KANSL2: variants seen among roughly 807,000 people sequenced by gnomAD.
KANSL2 encodes KAT8 regulatory NSL complex subunit 2, also known as NSL complex protein NSL2.
KANSL2 carries 34 observed loss-of-function variants against 55.6 expected under a neutral mutation model. The ratio of observed to expected loss-of-function variants is 0.61; its 90% CI spans 0.46 to 0.81. KANSL2 has a LOEUF of 0.81. KANSL2 is among the 40% of genes least tolerant of loss of function. KANSL2 has a pLI of 0.00. For missense variants in KANSL2, 502 were observed against 609.9 expected (o/e 0.82, Z 1.86); for synonymous variants, 209 against 214.3 (o/e 0.98, Z 0.22).
intron 4 of KANSL2, among the ~76,000 whole-genome samples, chr12:48,674,226 C>T (rs1226089976): frequency 2.0e-5 from 3 of 152,178 alleles, no homozygotes; most frequent in Non-Finnish European, 2.9e-5. Context: ...CTGCAACCTC[C>T]GCCTCCCGGG....
intron 6 of KANSL2, among the ~76,000 whole-genome samples, chr12:48,668,763 C>T (rs576429079): frequency 3.9e-5 from 6 of 152,254 alleles, no homozygotes; most frequent in African/African-American, 1.4e-4. Flanking sequence ...TGAACATGAA[C>T]AGGCACGGTG....
At chr12:48,681,222 C>T in intron 2 of KANSL2, 160 bp downstream of exon 2, 1 of 692,456 alleles carries the variant, frequency 1.4e-6, no homozygotes, top group Non-Finnish European at 2.3e-6. Context: ...ACTCAAGGGT[C>T]TTTCCAGTCT....
intron 8 of KANSL2, chr12:48,656,715 G>T (rs1220486034): frequency 1.9e-6 from 1 of 518,418 alleles, no homozygotes; most frequent in Non-Finnish European, 3.8e-6. Flanking sequence ...CCACAAGGAA[G>T]ACATCACTCT....
In KANSL2 at chr12:48,666,823, T is replaced by C. The variant is rs569132972; in HGVS notation, c.973+870A>G. Among the ~76,000 whole-genome samples the C allele has an allele frequency of 3.9e-5, 6 of 151,924 alleles. No individual in the cohort carries two copies. In the South Asian group the frequency reaches 1.3e-3, roughly 32 times the overall value. The stretch of plus-strand genomic sequence containing the variant: ...CCCAGGAGTTAAGGCTGCAGTGAGC[T>C]ATGACTGAGCCACTGCACTCCAGCC... On this transcript the variant is annotated intron_variant, in intron 7 of 9. Coordinates refer to ENST00000420613, the MANE Select transcript of KANSL2 (RefSeq NM_017822.4).
chr12:48,672,472 G>A (rs1162577355), intron 4 of KANSL2, among the ~76,000 whole-genome samples: 1 of 140,688 alleles, frequency 7.1e-6, no homozygotes, highest in African/African-American at 2.7e-5. Context: ...TGTCACCCAG[G>A]ATGGAGTGCA....
chr12:48,657,884 TGGGATTA>T (rs1939417511), intron 8 of KANSL2, among the ~76,000 whole-genome samples: 2 of 152,240 alleles, frequency 1.3e-5, no homozygotes, highest in South Asian at 4.2e-4. Context: ...CCCAAAGTGC[TGGGATTA>T]CAAGCGTCAG....
chr12:48,666,220 AAAAAAAG>A (rs1939595995), intron 7 of KANSL2, among the ~76,000 whole-genome samples: 2 of 152,050 alleles, frequency 1.3e-5, no homozygotes, highest in African/African-American at 4.8e-5. Context: ...CAAAAAAATT[AAAAAAAG>A]AAAACTTTTT....
intron 2 of KANSL2, 117 bp from the exon 3 acceptor site, chr12:48,679,950 TC>T: frequency 1.1e-6 from 1 of 917,278 alleles, no homozygotes; most frequent in Non-Finnish European, 1.6e-6. Context: ...TACATTCATT[TC>T]TAAAAATGCA....
chr12:48,673,360 G>GACCAGCCT (rs1256680943), intron 4 of KANSL2, among the ~76,000 whole-genome samples: 2 of 151,960 alleles, frequency 1.3e-5, no homozygotes, highest in Non-Finnish European at 2.9e-5. Context: ...AGGTGTTCAA[G>GACCAGCCT]ACCAGCCTGG....
chr12:48,679,852 A>G lies in KANSL2; in HGVS notation c.252-19T>C, dbSNP rs781656611. On this transcript the variant is annotated intron_variant, in intron 2 of 9. Coordinates refer to ENST00000420613, the MANE Select transcript of KANSL2 (RefSeq NM_017822.4). ...GGACACCCTGAAGAGACAAAACATT[A>G]ATATTTTATAAGTTCCTTCTTGAAA... The G allele has an allele frequency of 6.4e-7, 1 of 1,555,332 alleles. No individual in the cohort carries two copies. Among genetic ancestry groups the G allele is most frequent in the Non-Finnish European group, 8.7e-7 (1 of 1,148,812 alleles).
At chr12:48,661,192 TG>T in intron 7 of KANSL2, 1 of 929,818 alleles carries the variant, frequency 1.1e-6, no homozygotes, top group Non-Finnish European at 1.3e-6. Flanking sequence ...TAAATATACA[TG>T]CCTTTTTTTT....
chr12:48,678,597 AAAC>A (rs1487807376), intron 4 of KANSL2, among the ~76,000 whole-genome samples: 1 of 152,224 alleles, frequency 6.6e-6, no homozygotes, highest in Non-Finnish European at 1.5e-5. Context: ...TGTCAATTTA[AAAC>A]AATATATAAC....
rs1330210374 is a variant in KANSL2 at position 48,671,863 on chromosome 12, C to T, written c.645G>A (p.Gln215=). ...SLYIDQFKRL[Q]HLLKEKKRRY... is the part of the protein sequence containing the mutation. ...GGCGCTTCTTCTCCTTGAGCAGATGCTGAAGTCGTTTAAACTGATCAATAT... is the reference window on the plus strand; with the variant it reads ...GGCGCTTCTTCTCCTTGAGCAGATGTTGAAGTCGTTTAAACTGATCAATAT... The change falls in exon 5 of 10, where the codon CAG becomes CAA. Residue 215 remains glutamine (Q), a synonymous_variant. Transcript: ENST00000420613. 6.2e-7 allele frequency: 1 copy of T among 1,613,608 alleles called. No individual in the cohort carries two copies. Among genetic ancestry groups the T allele is most frequent in the South Asian group, 1.1e-5 (1 of 91,018 alleles).
intron 7 of KANSL2, among the ~76,000 whole-genome samples, chr12:48,663,199 AT>A (rs2137182553): frequency 6.6e-6 from 1 of 152,300 alleles, no homozygotes; most frequent in African/African-American, 2.4e-5. Context: ...TCTGCATTTG[AT>A]TATCTCCTTA....
At chr12:48,672,384 TA>T (rs1939732128) in intron 4 of KANSL2, among the ~76,000 whole-genome samples, 4 of 142,580 alleles carry the variant, frequency 2.8e-5, no homozygotes, top group Non-Finnish European at 1.5e-5. Flanking sequence ...TACGTATATA[TA>T]TATACATGTA....
At position 48,653,758 on chromosome 12, in the gene KANSL2, G is replaced by T; in HGVS notation, c.*286C>A. 1 of 279,366 alleles carries T rather than the reference G, an allele frequency of 3.6e-6. No homozygotes were observed. Among genetic ancestry groups the T allele is most frequent in the Non-Finnish European group, 6.6e-6 (1 of 151,440 alleles). The allele number at this position is 279,366 out of a possible 1,614,324, so 17.3% of individuals were successfully genotyped here. On this transcript the variant is annotated 3_prime_UTR_variant, in exon 10 of 10. Transcript: ENST00000420613. Reference sequence around the variant, plus strand: ...GCTACTTAAGTGGATTTCTATCCATGACTTGGGAAATCCCATTACAAAGAT... The same window carrying T: ...GCTACTTAAGTGGATTTCTATCCATTACTTGGGAAATCCCATTACAAAGAT...
intron 7 of KANSL2, among the ~76,000 whole-genome samples, chr12:48,666,768 T>C (rs1378390992): frequency 6.6e-6 from 1 of 151,858 alleles, no homozygotes; most frequent in Non-Finnish European, 1.5e-5. Context: ...TCCCAGCTAT[T>C]CAGAAGGCTG....
intron 3 of KANSL2, 80 bp downstream of exon 3, chr12:48,679,575 A>T (rs3741630): frequency 0.61 from 653,537 of 1,076,196 alleles, 200,758 homozygotes; most frequent in East Asian, 0.77. Context: ...TGCCAAATAG[A>T]TCAAGGCATT....
intron 8 of KANSL2, among the ~76,000 whole-genome samples, chr12:48,655,518 G>A (rs1004095393): frequency 3.3e-5 from 5 of 151,084 alleles, no homozygotes; most frequent in East Asian, 1.9e-4. Flanking sequence ...GCAGTGAGCC[G>A]AGACTGCACC....
Sources: allele counts gnomAD v4.1 joint callset (sites outside exome capture counted in the v4.1 genomes callset), GRCh38; gene constraint gnomAD v4.1.1; transcripts MANE v1.5; gene names NCBI Gene and HGNC (gene_info 2026-07-23, HGNC 2026-07-21).